The following BRME1 variants were observed in gnomAD, a reference collection of about 807,000 sequenced individuals.
BRME1 encodes break repair meiotic recombinase recruitment factor 1, also known as BRCA2 and MEILB2-associating protein 1.
In BRME1, 31 loss-of-function variants were observed where a neutral mutation model predicts 52.6. The ratio of observed to expected loss-of-function variants is 0.59; its 90% CI spans 0.44 to 0.80. The LOEUF (loss-of-function observed/expected upper bound fraction) is 0.80, where lower values mean the gene tolerates loss of function less well. BRME1 is among the 30% of genes least tolerant of loss of function. BRME1 has a pLI of 0.00. For missense variants in BRME1, 804 were observed against 860.3 expected, an observed-to-expected ratio of 0.93 and a Z score of 0.82; for synonymous variants, 359 against 353.6, an observed-to-expected ratio of 1.02 and a Z score of -0.17.
intron 3 of BRME1, among the ~76,000 whole-genome samples, chr19:13,893,915 T>G (rs1969698415): frequency 8.2e-6 from 1 of 121,430 alleles, no homozygotes; most frequent in Non-Finnish European, 1.6e-5. Flanking sequence ...AGACCCTATC[T>G]CAAAAAAAAA....
chr19:13,895,355 T>C lies in BRME1; in HGVS notation c.206+17A>G. 1.9e-6 allele frequency: 3 copies of C among 1,607,788 alleles called. No homozygotes were observed. The highest frequency in any genetic ancestry group is 2.5e-6 in the Non-Finnish European group (3 of 1,177,686). On this transcript the variant is annotated intron_variant, in intron 3 of 8. Coordinates refer to ENST00000586783, the MANE Select transcript of BRME1 (RefSeq NM_001345843.2). ...CTGTCAGTGGGGAGACCTGCCGGAA[T>C]GTTCAGAGCCACCTACCTGGAGACG...
At chr19:13,903,907 C>A (rs1483781888) in intron 2 of BRME1, among the ~76,000 whole-genome samples, 1 of 152,100 alleles carries the variant, frequency 6.6e-6, no homozygotes, top group Non-Finnish European at 1.5e-5. Context: ...CAGCCACATA[C>A]CGAGTGGCCT....
chr19:13,892,460 G>A (rs902261757), intron 5 of BRME1, among the ~76,000 whole-genome samples: 5 of 151,926 alleles, frequency 3.3e-5, no homozygotes, highest in East Asian at 1.9e-4. Flanking sequence ...GTGGGCAGGC[G>A]TCTGTTATCC....
Position 13,889,257 on chromosome 19 carries a change from G to A in BRME1, c.1599C>T (p.Leu533=), listed in dbSNP as rs1361782512. The A allele has an allele frequency of 3.1e-6, 5 of 1,613,724 alleles. No homozygotes were observed. The highest frequency in any genetic ancestry group is 3.3e-5 in the Admixed American group (2 of 59,958). The change falls in exon 6 of 9, where the codon CTC becomes CTT. Residue 533 remains leucine (L), a synonymous_variant. Coordinates refer to ENST00000586783, the MANE Select transcript of BRME1 (RefSeq NM_001345843.2). ...GTATCTGGCTGTCCAGCAGGAAGTC[G>A]AGTTCCACAGCTAAAGAGTCTGCCC... The part of the protein sequence containing the change: ...GTWADSLAVE[L]DFLLDSQIQD...
At position 13,892,900 on chromosome 19, in the gene BRME1, G is replaced by A. The variant is rs369219110; in HGVS notation, c.289-10C>T. The stretch of plus-strand genomic sequence containing the variant: ...ACCTCCCGAATGAGTTCTGTAAACC[G>A]GATACAAGAACAAAGCAGCAATAAA... On this transcript the variant is annotated splice_polypyrimidine_tract_variant and intron_variant, in intron 4 of 8. Coordinates refer to ENST00000586783, the MANE Select transcript of BRME1 (RefSeq NM_001345843.2). 21 of 1,606,960 alleles carry A rather than the reference G, an allele frequency of 1.3e-5. No homozygotes were observed. The highest frequency in any genetic ancestry group is 3.3e-4 in the Middle Eastern group (2 of 6,066).
At position 13,882,654 on chromosome 19, in the gene BRME1, C is replaced by CG. The variant is rs1489079986; in HGVS notation, c.*147dup. On this transcript the variant is annotated 3_prime_UTR_variant, in exon 9 of 9. Transcript: ENST00000586783. ...CTGGCCAGGTGAGGCCAGGACCTCA[C>CG]GGCCTCCTTTGTGTTGTCCATGGAA... is the stretch of plus-strand genomic sequence containing the variant. 7.7e-6 allele frequency: 8 copies of CG among 1,041,380 alleles called. No individual in the cohort carries two copies. In the African/African-American group the frequency reaches 1.3e-4, roughly 17 times the overall value. 64.5% of individuals were successfully genotyped at this position (1,041,380 alleles called of 1,614,324 possible). A position where few individuals can be genotyped will look rare whatever the true frequency, so the allele number is the denominator to read the frequency against.
chr19:13,889,205 C>A lies in BRME1; in HGVS notation c.1651G>T (p.Glu551Ter), dbSNP rs566278344. 1.3e-6 allele frequency: 2 copies of A among 1,589,904 alleles called. No homozygotes were observed. The highest frequency in any genetic ancestry group is 2.3e-5 in the South Asian group (2 of 87,560). Reference sequence around the variant, plus strand: ...GCTCTCACCTGCTCAGGTGGGGCTTCGAAGTCAGAGGCGTCCAGGGCATCC... The same window carrying A: ...GCTCTCACCTGCTCAGGTGGGGCTTAGAAGTCAGAGGCGTCCAGGGCATCC... ...IQDALDASDF[E>*]APPEQLFPSG... Residue 551 changes from glutamate to a stop codon, truncating the protein, a stop_gained, in exon 6 of 9, where the codon GAA becomes TAA. Coordinates refer to ENST00000586783, the MANE Select transcript of BRME1 (RefSeq NM_001345843.2). LOFTEE classifies it high-confidence loss of function.
intron 2 of BRME1, among the ~76,000 whole-genome samples, chr19:13,899,339 C>T (rs922527491): frequency 7.2e-5 from 11 of 151,838 alleles, no homozygotes; most frequent in Admixed American, 6.6e-4. Flanking sequence ...TCAGTAGAGA[C>T]GGGTTTTCAC....
In BRME1 at chr19:13,883,185, G is replaced by C; in HGVS notation, c.1856+123C>G. The C allele has an allele frequency of 3.0e-6, 3 of 996,574 alleles. No homozygotes were observed. The highest frequency in any genetic ancestry group is 4.4e-6 in the Non-Finnish European group (3 of 677,888). 61.7% of individuals were successfully genotyped at this position (996,574 alleles called of 1,614,324 possible). ...GGGGGGCCACGGTGAGGACCCAGCA[G>C]CAGTGAGGTGCCTGACCCTCGCTGC... On this transcript the variant is annotated intron_variant, in intron 8 of 8. Transcript: ENST00000586783. The surrounding 1 kb of genome is among the most constrained non-coding windows in gnomAD (Gnocchi z 4.2).
chr19:13,898,814 T>C lies in BRME1; in HGVS notation c.32-3268A>G, dbSNP rs906554452. 9.3e-4 allele frequency among the ~76,000 whole-genome samples: 138 copies of C among 149,116 alleles called. 3 individuals carry two copies. Among genetic ancestry groups the C allele is most frequent in the Non-Finnish European group, 5.3e-4 (36 of 67,732 alleles). On this transcript the variant is annotated intron_variant, in intron 2 of 8. Transcript: ENST00000586783. ...GGCTCATGCCTGTAATCTCAGCTAC[T>C]CAGGAGGCTGAGGCAGGAGAATCGC...
chr19:13,891,134 G>GTTTTTTTTT (rs200397038), intron 5 of BRME1, among the ~76,000 whole-genome samples: 1 of 92,128 alleles, frequency 1.1e-5, no homozygotes, highest in African/African-American at 8.0e-5. Flanking sequence ...TCAATTTCCT[G>GTTTTTTTTT]TTTATTATTA....
At chr19:13,887,114 T>C (rs1427140834) in intron 6 of BRME1, among the ~76,000 whole-genome samples, 1 of 152,234 alleles carries the variant, frequency 6.6e-6, no homozygotes, top group Non-Finnish European at 1.5e-5. Flanking sequence ...CTCTGCTGTG[T>C]CACCTCTGAG....
At chr19:13,901,778 C>T (rs973791759) in intron 2 of BRME1, among the ~76,000 whole-genome samples, 3 of 152,082 alleles carry the variant, frequency 2.0e-5, no homozygotes, top group East Asian at 3.9e-4. Flanking sequence ...TGGCTCATGC[C>T]TGTAATTCTG....
Position 13,882,841 on chromosome 19 carries a change from C to T in BRME1, c.1968G>A (p.Gly656=). ...AGGGTGGGTCCCCTCGAGGGATATTCCCAGGCCCCTTGGAAGGGTAAGGCA... is the reference window on the plus strand; with the variant it reads ...AGGGTGGGTCCCCTCGAGGGATATTTCCAGGCCCCTTGGAAGGGTAAGGCA... ...APLPYPSKGP[G]NIPRGDPPWR... is the part of the protein sequence containing the mutation. The change falls in exon 9 of 9, where the codon GGG becomes GGA. Residue 656 remains glycine, a synonymous_variant. Coordinates refer to ENST00000586783, the MANE Select transcript of BRME1 (RefSeq NM_001345843.2). 3 of 1,614,084 alleles carry T rather than the reference C, an allele frequency of 1.9e-6. No homozygotes were observed. The highest frequency in any genetic ancestry group is 2.2e-5 in the South Asian group (2 of 91,076).
intron 2 of BRME1, among the ~76,000 whole-genome samples, chr19:13,899,184 T>A (rs546675736): frequency 6.0e-5 from 9 of 149,690 alleles, no homozygotes; most frequent in Non-Finnish European, 1.5e-5. Context: ...ACTCTCGCTC[T>A]GTTGCCCAGG....
intron 5 of BRME1, 138 bp downstream of exon 5, chr19:13,892,648 C>A: frequency 3.1e-6 from 2 of 645,924 alleles, no homozygotes; most frequent in Admixed American, 2.8e-5. Context: ...ATCCATAGCG[C>A]AATGTACTGA....
intron 2 of BRME1, among the ~76,000 whole-genome samples, chr19:13,897,965 G>C (rs956758205): frequency 7.2e-5 from 11 of 151,948 alleles, no homozygotes; most frequent in Non-Finnish European, 1.3e-4. Flanking sequence ...TGGGCATGGT[G>C]GTGGGCACCT....
At chr19:13,892,413 C>T (rs1295517800) in intron 5 of BRME1, among the ~76,000 whole-genome samples, 1 of 151,862 alleles carries the variant, frequency 6.6e-6, no homozygotes, top group Non-Finnish European at 1.5e-5. Context: ...TGGTAAAACC[C>T]CGTCTCTACT....
intron 2 of BRME1, among the ~76,000 whole-genome samples, chr19:13,899,803 C>A (rs528096340): frequency 6.6e-6 from 1 of 152,292 alleles, no homozygotes; most frequent in East Asian, 1.9e-4. Flanking sequence ...GAGTTCAAGA[C>A]CAGCCTGGCC....
Sources: gnomAD v4.1 joint callset for allele counts (sites outside exome capture counted in the v4.1 genomes callset) on GRCh38, gnomAD v4.1.1 for gene constraint, Gnocchi (gnomAD v3.1) non-coding constraint, MANE v1.5 for transcripts, NCBI Gene and HGNC (gene_info 2026-07-23, HGNC 2026-07-21) for gene names.